The following APBA2 variants were observed in gnomAD, a reference collection of about 807,000 sequenced individuals.
APBA2 encodes the protein amyloid-beta A4 precursor protein-binding family A member 2.
Under a neutral mutation model 75.0 loss-of-function variants are expected in APBA2, and 30 were observed. That is an observed-to-expected ratio of 0.40 (90% CI 0.30 to 0.54). The LOEUF is 0.54. Among genes scored for constraint, APBA2 ranks in the 20% least tolerant of loss-of-function variants. The pLI, the probability that APBA2 is intolerant of heterozygous loss-of-function variation, is 0.49. For synonymous variants in APBA2, 444 were observed against 409.6 expected (o/e 1.08, Z -1.01); for missense variants, 801 against 1,016.1 (o/e 0.79, Z 2.88).
At chr15:28,930,772 C>T (rs2034520923) in intron 2 of APBA2, among the ~76,000 whole-genome samples, 1 of 152,168 alleles carries the variant, frequency 6.6e-6, no homozygotes, top group Non-Finnish European at 1.5e-5. Context: ...TGGGAACTTG[C>T]AGCTCTTCCC....
At chr15:29,096,294 C>T (rs1204502105) in intron 8 of APBA2, among the ~76,000 whole-genome samples, 3 of 152,160 alleles carry the variant, frequency 2.0e-5, no homozygotes, top group Non-Finnish European at 2.9e-5. Context: ...TGGGTGTCCT[C>T]TCCCTGCCCT....
At chr15:28,999,438 A>G (rs907556055) in intron 3 of APBA2, among the ~76,000 whole-genome samples, 1 of 152,210 alleles carries the variant, frequency 6.6e-6, no homozygotes, top group Non-Finnish European at 1.5e-5. Context: ...GAAGAAGAAA[A>G]AATGAAAATG....
chr15:29,007,014 A>G (rs1193977669), intron 3 of APBA2, among the ~76,000 whole-genome samples: 1 of 152,244 alleles, frequency 6.6e-6, no homozygotes, highest in African/African-American at 2.4e-5. Flanking sequence ...AAAACTAGCT[A>G]CAAAGCTGTA....
intron 14 of APBA2, 150 bp downstream of exon 14, chr15:29,114,166 T>C: frequency 7.9e-7 from 1 of 1,259,854 alleles, no homozygotes; most frequent in Non-Finnish European, 1.1e-6. Context: ...CAAGGGTGAA[T>C]GGAGCGGCAG....
At position 29,108,271 on chromosome 15, in the gene APBA2, G is replaced by T. The variant is rs1392234509; in HGVS notation, c.1919G>T (p.Gly640Val). Reference sequence around the variant, plus strand: ...GACTCCTGTCCCCGTGCTCTGCAGGGCCTGAAGAACCAGACACAGGTGAAG... The same window carrying T: ...GACTCCTGTCCCCGTGCTCTGCAGGTCCTGAAGAACCAGACACAGGTGAAG... ...PLATCQGIIK[G>V]LKNQTQVKLN... The change falls in exon 13 of 15, where the codon GGC becomes GTC. Residue 640 changes from glycine (G) to valine (V), a missense_variant and splice_region_variant. Coordinates refer to ENST00000683413, the MANE Select transcript of APBA2 (RefSeq NM_001353788.2). The T allele has an allele frequency of 6.2e-7, 1 of 1,613,816 alleles. No homozygotes were observed. The highest frequency in any genetic ancestry group is 8.5e-7 in the Non-Finnish European group (1 of 1,180,028).
intron 1 of APBA2, among the ~76,000 whole-genome samples, chr15:28,900,771 T>G (rs1024766740): frequency 1.3e-5 from 2 of 152,210 alleles, no homozygotes; most frequent in African/African-American, 4.8e-5. Flanking sequence ...CAGGGACTTC[T>G]CTTGTGTCTC....
At position 29,113,852 on chromosome 15, in the gene APBA2, G is replaced by A. The variant is rs375610715; in HGVS notation, c.2038-24G>A. ...TGTCGGGTGTGGCGGGAACACGTGT[G>A]CTGACCTGGCCATGTCTGCTTAGAT... On this transcript the variant is annotated intron_variant, in intron 13 of 14. Transcript: ENST00000683413. The A allele has an allele frequency of 7.7e-5, 123 of 1,601,578 alleles. No individual in the cohort carries two copies. The East Asian group carries it at 2.4e-3, about 32-fold the overall frequency.
intron 1 of APBA2, among the ~76,000 whole-genome samples, chr15:28,900,622 G>A (rs1252242435): frequency 6.6e-6 from 1 of 152,194 alleles, no homozygotes; most frequent in African/African-American, 2.4e-5. Context: ...CTTTGTTGCT[G>A]TGGCTGCTTC....
intron 2 of APBA2, among the ~76,000 whole-genome samples, chr15:28,954,325 G>A (rs149172913): frequency 1.3e-5 from 2 of 152,150 alleles, no homozygotes; most frequent in African/African-American, 2.4e-5. Context: ...ATGCTCCTCC[G>A]ACCAGAGCTC....
intron 2 of APBA2, among the ~76,000 whole-genome samples, chr15:28,949,182 G>C (rs2035716096): frequency 1.3e-5 from 2 of 152,018 alleles, no homozygotes; most frequent in South Asian, 4.2e-4. Context: ...GCATTGCTGT[G>C]ATACAGACTG....
intron 2 of APBA2, among the ~76,000 whole-genome samples, chr15:28,942,134 CAAAG>C (rs1253616031): frequency 6.6e-6 from 1 of 152,186 alleles, no homozygotes; most frequent in South Asian, 2.1e-4. Flanking sequence ...ACATAAAAGT[CAAAG>C]GAAGAAGTTC....
At chr15:28,886,349 G>A (rs1220733796) in intron 1 of APBA2, 71 bp downstream of exon 1, 2 of 151,492 alleles carry the variant, frequency 1.3e-5, no homozygotes, top group South Asian at 2.1e-4. Flanking sequence ...GCGCCGCGAG[G>A]ACCCGGACGC....
chr15:29,075,480 C>T (rs2042811115), intron 5 of APBA2, among the ~76,000 whole-genome samples: 1 of 152,112 alleles, frequency 6.6e-6, no homozygotes, highest in Non-Finnish European at 1.5e-5. Flanking sequence ...CATCCCCATC[C>T]CTGATTTGTG....
At chr15:28,995,885 A>G (rs572070741) in intron 3 of APBA2, 79 bp downstream of exon 3, 45 of 152,290 alleles carry the variant, frequency 3.0e-4, no homozygotes, top group African/African-American at 9.9e-4. Flanking sequence ...CACTGGAGGG[A>G]AAATGCTACA....
At chr15:28,934,917 C>G (rs116216857) in intron 2 of APBA2, among the ~76,000 whole-genome samples, 2,498 of 152,264 alleles carry the variant, frequency 0.016, 66 homozygotes, top group African/African-American at 0.057. Context: ...AGCCCGGAGA[C>G]CTGGGTGTCC....
intron 2 of APBA2, among the ~76,000 whole-genome samples, chr15:28,954,779 T>C (rs141712647): frequency 6.6e-6 from 1 of 152,334 alleles, no homozygotes; most frequent in Non-Finnish European, 1.5e-5. Flanking sequence ...CTCCTGCTAG[T>C]CCTGGGCACA....
At chr15:28,983,498 C>G (rs376551766) in intron 2 of APBA2, among the ~76,000 whole-genome samples, 2 of 152,144 alleles carry the variant, frequency 1.3e-5, no homozygotes, top group East Asian at 3.9e-4. Context: ...AGAGTCTCTC[C>G]CAGCATACGG....
chr15:28,898,644 C>T (rs1352944257), intron 1 of APBA2, among the ~76,000 whole-genome samples: 1 of 152,100 alleles, frequency 6.6e-6, no homozygotes, highest in Non-Finnish European at 1.5e-5. Context: ...TCTTGGTTTG[C>T]ATGGGAAGGT....
At chr15:29,084,215 T>C (rs2043195998) in intron 6 of APBA2, among the ~76,000 whole-genome samples, 1 of 152,256 alleles carries the variant, frequency 6.6e-6, no homozygotes, top group Non-Finnish European at 1.5e-5. Context: ...CATGCAATCA[T>C]ACCATCTGCA....
Sources: gnomAD v4.1 joint callset for allele counts (sites outside exome capture counted in the v4.1 genomes callset) on GRCh38, gnomAD v4.1.1 for gene constraint, MANE v1.5 for transcripts, NCBI Gene and HGNC (gene_info 2026-07-23, HGNC 2026-07-21) for gene names.